Variants in SLIT3 observed in about 807,000 individuals in gnomAD.
SLIT3 encodes the protein slit guidance ligand 3.
In SLIT3, 68 loss-of-function variants were observed where a neutral mutation model predicts 184.0. The observed-to-expected ratio is 0.37, with a 90% confidence interval of 0.30 to 0.45. The LOEUF (loss-of-function observed/expected upper bound fraction) is 0.45, where lower values mean the gene tolerates loss of function less well. Among genes scored for constraint, SLIT3 ranks in the 20% least tolerant of loss-of-function variants. The pLI is 1.00. For missense variants in SLIT3, 1,707 were observed against 2,026.0 expected (o/e 0.84, Z 3.02); for synonymous variants, 831 against 828.6 (o/e 1.00, Z -0.05).
At chr5:169,004,095 A>G (rs1228825478) in intron 4 of SLIT3, among the ~76,000 whole-genome samples, 1 of 151,904 alleles carries the variant, frequency 6.6e-6, no homozygotes, top group Non-Finnish European at 1.5e-5. Flanking sequence ...AATTTTCTTC[A>G]TGGGTGCTGT....
In SLIT3 at chr5:168,923,599, C is replaced by T. The variant is rs1761711042; in HGVS notation, c.414-40263G>A. ...TGGCACAGTCTCGACTCACTGCAACCTCCGCCTCCTGGGTTCAAGCAATTC... is the reference window on the plus strand; with the variant it reads ...TGGCACAGTCTCGACTCACTGCAACTTCCGCCTCCTGGGTTCAAGCAATTC... On this transcript the variant is annotated intron_variant, in intron 4 of 35. Coordinates refer to ENST00000519560, the MANE Select transcript of SLIT3 (RefSeq NM_003062.4). Among the ~76,000 whole-genome samples the T allele has an allele frequency of 2.0e-5, 3 of 151,888 alleles. No individual in the cohort carries two copies. The South Asian group carries it at 6.2e-4, about 32-fold the overall frequency.
chr5:169,089,575 T>G (rs569315517), intron 4 of SLIT3, among the ~76,000 whole-genome samples: 2 of 152,332 alleles, frequency 1.3e-5, no homozygotes, highest in African/African-American at 4.8e-5. Flanking sequence ...GCCTACACTC[T>G]GTGCCCCTAG....
chr5:168,839,543 A>G (rs1479899814), intron 6 of SLIT3, among the ~76,000 whole-genome samples: 1 of 152,166 alleles, frequency 6.6e-6, no homozygotes, highest in Non-Finnish European at 1.5e-5. Context: ...CAATTTTTAA[A>G]TGTGAAATGC....
At chr5:168,844,976 C>A (rs1323656252) in intron 5 of SLIT3, 2 of 319,450 alleles carry the variant, frequency 6.3e-6, no homozygotes, top group Non-Finnish European at 1.2e-5. Flanking sequence ...GAGCTCTTAC[C>A]GTCATGTCAC....
At chr5:169,056,516 G>A (rs945364971) in intron 4 of SLIT3, among the ~76,000 whole-genome samples, 1 of 151,910 alleles carries the variant, frequency 6.6e-6, no homozygotes, top group South Asian at 2.1e-4. Flanking sequence ...CATTGCCATC[G>A]ATAGGTTTGA....
intron 4 of SLIT3, among the ~76,000 whole-genome samples, chr5:168,886,037 G>A (rs1359055827): frequency 1.3e-5 from 2 of 152,160 alleles, no homozygotes; most frequent in Non-Finnish European, 2.9e-5. Context: ...CTACTTTACG[G>A]AGCCAGTTGA....
chr5:168,940,884 A>C (rs1313387318), intron 4 of SLIT3, among the ~76,000 whole-genome samples: 1 of 152,118 alleles, frequency 6.6e-6, no homozygotes, highest in East Asian at 1.9e-4. Context: ...GTTTAAGTGA[A>C]GCTCTGGCTG....
At chr5:169,297,056 G>A (rs1767524752) in intron 1 of SLIT3, among the ~76,000 whole-genome samples, 1 of 152,218 alleles carries the variant, frequency 6.6e-6, no homozygotes, top group Admixed American at 6.5e-5. Context: ...GTAGTCAGAA[G>A]GGTAAGTGCA....
chr5:168,777,384 C>G (rs1418503989), intron 12 of SLIT3, among the ~76,000 whole-genome samples: 1 of 152,182 alleles, frequency 6.6e-6, no homozygotes, highest in African/African-American at 2.4e-5. Context: ...GCATATTAGG[C>G]ACTAGACAAG....
rs1202636589 is a variant in SLIT3 at position 169,300,701 on chromosome 5, G to A, written c.9C>T (p.Pro3=). 7.3e-7 allele frequency: 1 copy of A among 1,364,636 alleles called. No homozygotes were observed. The highest frequency in any genetic ancestry group is 1.7e-5 in the South Asian group (1 of 57,640). 84.5% of individuals were successfully genotyped at this position (1,364,636 alleles called of 1,614,324 possible). A position where few individuals can be genotyped will look rare whatever the true frequency, so the allele number is the denominator to read the frequency against. The change falls in exon 1 of 36, where the codon CCC becomes CCT. Residue 3 remains proline (P), a synonymous_variant. Transcript: ENST00000519560. The surrounding 1 kb of genome is among the most constrained non-coding windows in gnomAD (Gnocchi z 4.1). ...CGGCGGCGCCGACCCCTGCCCACCC[G>A]GGGGCCATGGTGTGCAGGGCCCCGC... MA[P]GWAGVGAAVR...
chr5:169,178,997 C>T (rs537978843), intron 4 of SLIT3, among the ~76,000 whole-genome samples: 3 of 152,006 alleles, frequency 2.0e-5, no homozygotes, highest in Non-Finnish European at 4.4e-5. Flanking sequence ...GGTAGGGGTG[C>T]GGGGGCAGGA....
At position 168,928,503 on chromosome 5, in the gene SLIT3, C is replaced by T. The variant is rs140109212; in HGVS notation, c.414-45167G>A. On this transcript the variant is annotated intron_variant, in intron 4 of 35. Transcript: ENST00000519560. ...GTCTGGGGCCAAGTCCCAGGTCAGG[C>T]AACAAAGGCTGCCGTGTATGTCGTC... 2.1e-4 allele frequency among the ~76,000 whole-genome samples: 32 copies of T among 152,264 alleles called. No individual in the cohort carries two copies. The East Asian group carries it at 6.0e-3, about 28-fold the overall frequency.
intron 4 of SLIT3, among the ~76,000 whole-genome samples, chr5:168,964,382 T>G (rs1211093197): frequency 6.6e-6 from 1 of 152,182 alleles, no homozygotes; most frequent in Non-Finnish European, 1.5e-5. Flanking sequence ...ATTACTACCA[T>G]GGGAGATAAG....
rs1581154456 is a variant in SLIT3 at position 169,300,639 on chromosome 5, C to T, written c.71G>A (p.Ser24Asn). 9 of 1,481,996 alleles carry T rather than the reference C, an allele frequency of 6.1e-6. No individual in the cohort carries two copies. The East Asian group carries it at 2.6e-4, about 43-fold the overall frequency. The allele number at this position is 1,481,996 out of a possible 1,614,324, so 91.8% of individuals were successfully genotyped here. A position where few individuals can be genotyped will look rare whatever the true frequency, so the allele number is the denominator to read the frequency against. Residue 24 changes from serine to asparagine, a missense_variant, in exon 1 of 36, where the codon AGC becomes AAC. By Grantham distance (46) the Ser-to-Asn change is conservative (BLOSUM62 1). Coordinates refer to ENST00000519560, the MANE Select transcript of SLIT3 (RefSeq NM_003062.4). The surrounding 1 kb of genome is among the most constrained non-coding windows in gnomAD (Gnocchi z 4.1). ...ARLALALALA[S>N]VLSGPPAVAC... ...GACGGCTGGAGGCCCACTCAGGACG[C>T]TCGCCAGCGCCAAGGCCAGCGCCAG...
At chr5:169,167,100 T>C (rs1021347038) in intron 4 of SLIT3, among the ~76,000 whole-genome samples, 5 of 151,402 alleles carry the variant, frequency 3.3e-5, no homozygotes, top group Non-Finnish European at 7.4e-5. Flanking sequence ...AACCCAGGAG[T>C]TCAAGGCTGC....
chr5:168,912,164 T>C (rs547641296), intron 4 of SLIT3, among the ~76,000 whole-genome samples: 5 of 152,350 alleles, frequency 3.3e-5, no homozygotes, highest in Non-Finnish European at 5.9e-5. Flanking sequence ...TTTTTTCTTA[T>C]GATTTTCTTA....
At chr5:168,778,628 C>T (rs528429076) in intron 12 of SLIT3, among the ~76,000 whole-genome samples, 16 of 152,338 alleles carry the variant, frequency 1.1e-4, no homozygotes, top group East Asian at 5.8e-4. Context: ...GGCAAGGCTT[C>T]CCCCTTCAGG....
intron 17 of SLIT3, 150 bp from the exon 18 acceptor site, chr5:168,753,248 A>C: frequency 1.3e-6 from 1 of 760,998 alleles, no homozygotes; most frequent in Non-Finnish European, 2.1e-6. Flanking sequence ...GTCCTGTGAT[A>C]GCAGGGACTG....
At chr5:168,795,456 A>G in intron 10 of SLIT3, 51 bp downstream of exon 10, 2 of 1,442,222 alleles carry the variant, frequency 1.4e-6, no homozygotes, top group South Asian at 2.3e-5. Context: ...ATTGCAAACA[A>G]CCCTGGAAAT....
Sources: allele counts gnomAD v4.1 joint callset (sites outside exome capture counted in the v4.1 genomes callset), GRCh38; gene constraint gnomAD v4.1.1; non-coding constraint Gnocchi (gnomAD v3.1); transcripts MANE v1.5; gene names NCBI Gene and HGNC (gene_info 2026-07-23, HGNC 2026-07-21).